The following LHPP variants were observed in gnomAD, a reference collection of about 807,000 sequenced individuals.
LHPP encodes the protein hLHPP.
Under a neutral mutation model 30.3 loss-of-function variants are expected in LHPP, and 24 were observed. The observed-to-expected ratio is 0.79, with a 90% CI of 0.57 to 1.11. The LOEUF (loss-of-function observed/expected upper bound fraction) is 1.11. Among genes scored for constraint, LHPP ranks in the 50% most tolerant of loss-of-function variants. LHPP has a pLI of 0.00. For synonymous variants in LHPP, 150 were observed against 157.1 expected (o/e 0.95, Z 0.34); for missense variants, 356 against 367.2 (o/e 0.97, Z 0.25).
chr10:124,538,176 A>AGGGTCACCATGTG (rs1564817506), intron 6 of LHPP, among the ~76,000 whole-genome samples: 3 of 38,398 alleles, frequency 7.8e-5, no homozygotes, highest in African/African-American at 3.7e-4. Context: ...CTCACCATGC[A>AGGGTCACCATGTG]GGGTCACCAT....
intron 6 of LHPP, among the ~76,000 whole-genome samples, chr10:124,521,121 G>C (rs1373881601): frequency 6.6e-6 from 1 of 152,182 alleles, no homozygotes; most frequent in Non-Finnish European, 1.5e-5. Context: ...CTGGAGGGGC[G>C]TGGGGTCCTG....
In LHPP at chr10:124,541,227, A is replaced by G. The variant is rs940836297; in HGVS notation, c.716+23956A>G. The stretch of plus-strand genomic sequence containing the variant: ...TGGAGGTGGGCCGCTGCCCCTGCAC[A>G]CTGTGCTTGGGGGACACAGCCGACA... On this transcript the variant is annotated intron_variant, in intron 6 of 6. Coordinates refer to ENST00000368842, the MANE Select transcript of LHPP (RefSeq NM_022126.4). The surrounding 1 kb of genome is among the most constrained non-coding windows in gnomAD (Gnocchi z 4.2). Among the ~76,000 whole-genome samples the G allele has an allele frequency of 1.3e-5, 2 of 152,162 alleles. No homozygotes were observed. Among genetic ancestry groups the G allele is most frequent in the African/African-American group, 4.8e-5 (2 of 41,430 alleles).
intron 5 of LHPP, among the ~76,000 whole-genome samples, chr10:124,501,661 G>A (rs982088640): frequency 6.6e-6 from 1 of 150,608 alleles, no homozygotes; most frequent in Non-Finnish European, 1.5e-5. Flanking sequence ...ATGGTGGCAC[G>A]ACGTTCTGAA....
chr10:124,488,094 A>T (rs1039138417), intron 2 of LHPP, among the ~76,000 whole-genome samples: 4 of 152,182 alleles, frequency 2.6e-5, no homozygotes, highest in African/African-American at 7.2e-5. Context: ...TCTTCTGAGC[A>T]GATTTCCCTT....
chr10:124,570,824 A>G (rs1287306396), intron 6 of LHPP, among the ~76,000 whole-genome samples: 1 of 152,230 alleles, frequency 6.6e-6, no homozygotes, highest in African/African-American at 2.4e-5. Context: ...TGGCTGAGTA[A>G]TATTCCACTA....
intron 1 of LHPP, among the ~76,000 whole-genome samples, chr10:124,473,429 C>T (rs1457554279): frequency 6.6e-6 from 1 of 152,136 alleles, no homozygotes; most frequent in Non-Finnish European, 1.5e-5. Flanking sequence ...GGGCAGGCAC[C>T]ACCTCTTACC....
chr10:124,487,893 G>T (rs1953388511), intron 2 of LHPP, among the ~76,000 whole-genome samples: 1 of 152,238 alleles, frequency 6.6e-6, no homozygotes, highest in Non-Finnish European at 1.5e-5. Context: ...AGACAAAGAA[G>T]GAGAAGGAGG....
intron 6 of LHPP, among the ~76,000 whole-genome samples, chr10:124,572,618 G>A (rs758854796): frequency 1.1e-4 from 12 of 109,660 alleles, no homozygotes; most frequent in African/African-American, 2.1e-4. Flanking sequence ...GCGACAGAGC[G>A]AGACTCCATC....
intron 1 of LHPP, among the ~76,000 whole-genome samples, chr10:124,481,373 C>CTTTTTTT (rs34839158): frequency 3.5e-5 from 3 of 85,028 alleles, no homozygotes; most frequent in African/African-American, 4.5e-5. Context: ...TATCTGCCCC[C>CTTTTTTT]TTTTTTTTTT....
chr10:124,579,239 C>T (rs903696582), intron 6 of LHPP, among the ~76,000 whole-genome samples: 1 of 152,254 alleles, frequency 6.6e-6, no homozygotes, highest in African/African-American at 2.4e-5. Context: ...ACCACCGGGG[C>T]GCTGGCCAGT....
At chr10:124,515,954 T>G (rs1954441565) in intron 5 of LHPP, among the ~76,000 whole-genome samples, 2 of 152,346 alleles carry the variant, frequency 1.3e-5, no homozygotes, top group South Asian at 4.1e-4. Context: ...CAGCTCTTTC[T>G]CCATGCAGCC....
chr10:124,596,122 C>T lies in LHPP; in HGVS notation c.717-17142C>T, dbSNP rs984206932. Among the ~76,000 whole-genome samples, 4 of 152,140 alleles carry T rather than the reference C, an allele frequency of 2.6e-5. No individual in the cohort carries two copies. The highest frequency in any genetic ancestry group is 2.1e-4 in the South Asian group (1 of 4,818). On this transcript the variant is annotated intron_variant, in intron 6 of 6. Coordinates refer to ENST00000368842, the MANE Select transcript of LHPP (RefSeq NM_022126.4). The surrounding 1 kb of genome is among the most constrained non-coding windows in gnomAD (Gnocchi z 4.6). ...GGCATCCGTGGGTGATGTTTCATCA[C>T]GAGGCTGGACCACGATGTGTTTATC... is the stretch of plus-strand genomic sequence containing the variant.
rs1020242813 is a variant in LHPP at position 124,593,474 on chromosome 10, C to A, written c.717-19790C>A. On this transcript the variant is annotated intron_variant, in intron 6 of 6. Transcript: ENST00000368842. This position sits in a 1 kb window ranked among gnomAD's most constrained non-coding sequence, Gnocchi z 4.9. ...TTGGGGGATCACTCTTGTTTCCCTG[C>A]AGTTGTTTCCAGCATTAGAGTCACA... 1.2e-4 allele frequency among the ~76,000 whole-genome samples: 19 copies of A among 152,320 alleles called. No individual in the cohort carries two copies. Among genetic ancestry groups the A allele is most frequent in the African/African-American group, 4.3e-4 (18 of 41,582 alleles).
At chr10:124,575,825 G>T (rs12416284) in intron 6 of LHPP, among the ~76,000 whole-genome samples, 5,269 of 152,266 alleles carry the variant, frequency 0.035, 131 homozygotes, top group East Asian at 0.13. Context: ...AAGGCATTGT[G>T]CATGTGGATG....
intron 6 of LHPP, among the ~76,000 whole-genome samples, chr10:124,584,007 A>C (rs1658489105): frequency 6.6e-6 from 1 of 152,066 alleles, no homozygotes; most frequent in Admixed American, 6.6e-5. Context: ...GTCCTTTATA[A>C]TTCCATATGA....
rs143884980 is a variant in LHPP at position 124,505,402 on chromosome 10, C to T, written c.624+7274C>T. On this transcript the variant is annotated intron_variant, in intron 5 of 6. Transcript: ENST00000368842. ...CTGCTTTAATCAATAAAGTTATCAC[C>T]AGTCATTTCCCTTGATCACTGCTGC... Among the ~76,000 whole-genome samples, 72 of 152,238 alleles carry T rather than the reference C, an allele frequency of 4.7e-4. 1 individual carries two copies. In the East Asian group the frequency reaches 0.013, roughly 27 times the overall value.
intron 5 of LHPP, among the ~76,000 whole-genome samples, chr10:124,505,149 G>A (rs1300774425): frequency 6.6e-6 from 1 of 152,014 alleles, no homozygotes; most frequent in East Asian, 1.9e-4. Context: ...TGTTCCGAAC[G>A]TCCCCACCCT....
At chr10:124,536,236 C>T (rs533120424) in intron 6 of LHPP, among the ~76,000 whole-genome samples, 1 of 152,244 alleles carries the variant, frequency 6.6e-6, no homozygotes, top group African/African-American at 2.4e-5. Flanking sequence ...GCCCAGAGGC[C>T]TTGTGGCTTT....
chr10:124,565,260 G>A (rs1372248663), intron 6 of LHPP, among the ~76,000 whole-genome samples: 1 of 152,148 alleles, frequency 6.6e-6, no homozygotes, highest in Non-Finnish European at 1.5e-5. Flanking sequence ...GGTTGCAGTA[G>A]GGGGTTTTGT....
Sources: gnomAD v4.1 joint callset for allele counts (sites outside exome capture counted in the v4.1 genomes callset) on GRCh38, gnomAD v4.1.1 for gene constraint, Gnocchi (gnomAD v3.1) non-coding constraint, MANE v1.5 for transcripts, NCBI Gene and HGNC (gene_info 2026-07-23, HGNC 2026-07-21) for gene names.